Variants in HSD17B14 observed in about 807,000 individuals in gnomAD.
The protein encoded by HSD17B14 is L-fucose dehydrogenase.
Under a neutral mutation model 32.2 loss-of-function variants are expected in HSD17B14, and 32 were observed. That is an observed-to-expected ratio of 0.99 (90% CI 0.75 to 1.33). The LOEUF is 1.33. Ranked by LOEUF, HSD17B14 falls within the 40% of genes most tolerant of loss-of-function variation. The pLI is 0.00. For missense variants in HSD17B14, 370 were observed against 366.5 expected, an observed-to-expected ratio of 1.01 and a Z score of -0.08; for synonymous variants, 140 against 155.4, an observed-to-expected ratio of 0.90 and a Z score of 0.74.
At chr19:48,826,542 T>TATATATATATATATATATACACAC in intron 5 of HSD17B14, among the ~76,000 whole-genome samples, 7 of 80,108 alleles carry the variant, frequency 8.7e-5, no homozygotes, top group Non-Finnish European at 1.6e-4. Context: ...TATATATATA[T>TATATATATATATATATATACACAC]ACACACACAC....
At chr19:48,817,566 C>T (rs894384554) in intron 5 of HSD17B14, among the ~76,000 whole-genome samples, 4 of 152,174 alleles carry the variant, frequency 2.6e-5, no homozygotes, top group African/African-American at 9.7e-5. Context: ...CTGTGTCACA[C>T]ACTCCCTTCT....
intron 5 of HSD17B14, among the ~76,000 whole-genome samples, chr19:48,823,481 G>T (rs2035192654): frequency 6.6e-6 from 1 of 151,904 alleles, no homozygotes; most frequent in Admixed American, 6.6e-5. Context: ...AACTGTCATT[G>T]TGTCGTAATA....
chr19:48,830,710 C>T lies in HSD17B14; in HGVS notation c.369+958G>A, dbSNP rs897105518. On this transcript the variant is annotated intron_variant, in intron 5 of 8. Coordinates refer to ENST00000263278, the MANE Select transcript of HSD17B14 (RefSeq NM_016246.3). ...GTAATTTCCGTATTTTTTGTAGAGA[C>T]GAGGGTTTCACTATGTTGCCCAGGC... 2.6e-5 allele frequency among the ~76,000 whole-genome samples: 4 copies of T among 152,084 alleles called. No individual in the cohort carries two copies. The East Asian group carries it at 5.8e-4, about 22-fold the overall frequency.
chr19:48,819,045 G>A (rs1490570006), intron 5 of HSD17B14, among the ~76,000 whole-genome samples: 1 of 152,168 alleles, frequency 6.6e-6, no homozygotes, highest in African/African-American at 2.4e-5. Flanking sequence ...CTTGAGTGCA[G>A]TGGCACGATC....
chr19:48,832,872 G>C lies in HSD17B14; in HGVS notation c.211-140C>G. ...GCGTTCAAGCAACTCTCCTACCTCA[G>C]CCTCCCAAGTAGCTGGGATTACAGG... On this transcript the variant is annotated intron_variant, in intron 3 of 8. Coordinates refer to ENST00000263278, the MANE Select transcript of HSD17B14 (RefSeq NM_016246.3). 5.8e-6 allele frequency: 4 copies of C among 694,614 alleles called. No homozygotes were observed. The South Asian group carries it at 6.7e-5, about 12-fold the overall frequency. The allele number at this position is 694,614 out of a possible 1,614,324, so 43.0% of individuals were successfully genotyped here. A position where few individuals can be genotyped will look rare whatever the true frequency, so the allele number is the denominator to read the frequency against.
At chr19:48,833,835 A>C (rs113304735) in intron 3 of HSD17B14, among the ~76,000 whole-genome samples, 274 of 150,746 alleles carry the variant, frequency 1.8e-3, no homozygotes, top group African/African-American at 6.1e-3. Context: ...TTAAAAAAAA[A>C]AAAAATTAGC....
chr19:48,821,039 G>A (rs2035139396), intron 5 of HSD17B14, among the ~76,000 whole-genome samples: 1 of 133,030 alleles, frequency 7.5e-6, no homozygotes, highest in Non-Finnish European at 1.6e-5. Flanking sequence ...TTTTGACAGA[G>A]TCTCACTCTG....
chr19:48,830,890 A>AG (rs35439388), intron 5 of HSD17B14, among the ~76,000 whole-genome samples: 76,039 of 151,190 alleles, frequency 0.5, 20,112 homozygotes, highest in African/African-American at 0.67. Context: ...CCCAGGCTGT[A>AG]TGCAGTGGTG....
chr19:48,817,609 T>C (rs1475407458), intron 5 of HSD17B14, among the ~76,000 whole-genome samples: 1 of 152,238 alleles, frequency 6.6e-6, no homozygotes, highest in Non-Finnish European at 1.5e-5. Context: ...TGTTTGTTCA[T>C]GTTCTGTCTC....
chr19:48,820,115 C>G (rs1489390257), intron 5 of HSD17B14, among the ~76,000 whole-genome samples: 1 of 152,112 alleles, frequency 6.6e-6, no homozygotes, highest in Non-Finnish European at 1.5e-5. Flanking sequence ...TATGATCACA[C>G]CATGGCACTC....
intron 5 of HSD17B14, among the ~76,000 whole-genome samples, chr19:48,819,563 C>A (rs554287787): frequency 2.4e-4 from 36 of 152,170 alleles, no homozygotes; most frequent in Non-Finnish European, 5.0e-4. Context: ...CTGGCAGCAG[C>A]ACCAAACCCT....
chr19:48,813,328 C>G lies in HSD17B14; in HGVS notation c.660G>C (p.Gln220His). 6.3e-7 allele frequency: 1 copy of G among 1,589,042 alleles called. No homozygotes were observed. Residue 220 changes from glutamine (Q) to histidine (H), a missense_variant, in exon 9 of 9, where the codon CAG (glutamine) becomes CAC (histidine). Physicochemically the swap from Gln to His is conservative, Grantham distance 24. Coordinates refer to ENST00000263278, the MANE Select transcript of HSD17B14 (RefSeq NM_016246.3). ...CTGCCGCAGCCCCGACCTCAGCGGG[C>G]TGGCCCATGCGGCCCAGTGGCTGGG... ...MLAQPLGRMG[Q>H]PAEVGAAAVF... is the part of the protein sequence containing the mutation.
At chr19:48,819,918 T>C (rs1231431905) in intron 5 of HSD17B14, among the ~76,000 whole-genome samples, 2 of 146,664 alleles carry the variant, frequency 1.4e-5, no homozygotes, top group African/African-American at 5.1e-5. Flanking sequence ...GAGGCTGAAG[T>C]GGGAGGATCA....
At chr19:48,819,501 G>C (rs1395253277) in intron 5 of HSD17B14, among the ~76,000 whole-genome samples, 2 of 152,152 alleles carry the variant, frequency 1.3e-5, no homozygotes, top group African/African-American at 4.8e-5. Context: ...TGCCTGATCT[G>C]GTTCCCACCC....
chr19:48,826,321 C>A (rs369100944), intron 5 of HSD17B14, among the ~76,000 whole-genome samples: 20 of 149,920 alleles, frequency 1.3e-4, no homozygotes, highest in African/African-American at 4.4e-4. Flanking sequence ...AGTGAGACCC[C>A]CAACTCTACA....
At chr19:48,827,866 T>C (rs549406612) in intron 5 of HSD17B14, among the ~76,000 whole-genome samples, 1 of 148,128 alleles carries the variant, frequency 6.8e-6, no homozygotes, top group Admixed American at 6.7e-5. Flanking sequence ...TTTCTTTTTT[T>C]TTTTTTGAGA....
At chr19:48,833,281 AG>A (rs1301603494) in intron 3 of HSD17B14, among the ~76,000 whole-genome samples, 2 of 151,538 alleles carry the variant, frequency 1.3e-5, no homozygotes, top group Non-Finnish European at 2.9e-5. Flanking sequence ...GGGGTGGGGC[AG>A]GGGGGTGACA....
rs1200054557 is a variant in HSD17B14, at chr19:48,831,750, G to T, written c.287C>A (p.Pro96Gln). The T allele has an allele frequency of 1.2e-6, 2 of 1,610,596 alleles. No homozygotes were observed. The highest frequency in any genetic ancestry group is 1.7e-6 in the Non-Finnish European group (2 of 1,177,470). ...GGCAGAGGTCTCCTCAGGCCTCTGT[G>T]GGGGTGGGTCTAAAGTGGGGGGTGA... is the stretch of plus-strand genomic sequence containing the variant. ...VVNNAGHHPP[P>Q]QRPEETSAQG... The change falls in exon 5 of 9, where the codon CCA (proline) becomes CAA (glutamine). Residue 96 changes from proline (P) to glutamine (Q), a missense_variant. Physicochemically the swap from Pro to Gln is moderately conservative, Grantham distance 76. Transcript: ENST00000263278.
intron 5 of HSD17B14, among the ~76,000 whole-genome samples, chr19:48,826,542 T>TATATATACACACACACACAC: frequency 2.5e-5 from 2 of 80,120 alleles, no homozygotes; most frequent in African/African-American, 1.0e-4. Flanking sequence ...TATATATATA[T>TATATATACACACACACACAC]ACACACACAC....
Sources: gnomAD v4.1 joint callset for allele counts (sites outside exome capture counted in the v4.1 genomes callset) on GRCh38, gnomAD v4.1.1 for gene constraint, MANE v1.5 for transcripts, NCBI Gene and HGNC (gene_info 2026-07-23, HGNC 2026-07-21) for gene names.